Variants in ANKRD18B observed in about 807,000 individuals in gnomAD.
ANKRD18B encodes the protein ankyrin repeat domain 18B, also known as ankyrin repeat domain-containing protein 18B.
Under a neutral mutation model 111.8 loss-of-function variants are expected in ANKRD18B, and 75 were observed. The ratio of observed to expected loss-of-function variants is 0.67; its 90% CI spans 0.56 to 0.81. The LOEUF is 0.81. ANKRD18B is among the 40% of genes least tolerant of loss of function. The probability of loss-of-function intolerance (pLI) is 0.00; values close to 1 mark genes in which losing one functional copy is unlikely to be tolerated. For synonymous variants in ANKRD18B, 356 were observed against 417.3 expected (o/e 0.85, Z 1.79); for missense variants, 1,038 against 1,225.5 (o/e 0.85, Z 2.28).
rs182739381 is a variant in ANKRD18B at position 33,548,101 on chromosome 9, C to T, written c.1313C>T (p.Ala438Val). The change falls in exon 11 of 19, where the codon GCT becomes GTT. Residue 438 changes from alanine to valine, a missense_variant. By Grantham distance (64) the Ala-to-Val change is moderately conservative. This residue lies in a region of ANKRD18B where 205 missense variants were observed against 201.3 expected (regional missense o/e 1.02). Transcript: ENST00000684830. Reference protein sequence around the residue: ...QEIKSITEINANFEKSVRLNE... With the variant: ...QEIKSITEINVNFEKSVRLNE... ...ATTAAAAGTATTACAGAAATAAATGCTAACTTTGAAAAGAGTGTAAGACTC... is the reference window on the plus strand; with the variant it reads ...ATTAAAAGTATTACAGAAATAAATGTTAACTTTGAAAAGAGTGTAAGACTC... The T allele has an allele frequency of 6.4e-5, 98 of 1,531,272 alleles. No individual in the cohort carries two copies. The East Asian group carries it at 2.1e-3, about 33-fold the overall frequency. The allele number at this position is 1,531,272 out of a possible 1,614,324, so 94.9% of individuals were successfully genotyped here.
At chr9:33,537,854 C>A (rs1308934028) in intron 6 of ANKRD18B, among the ~76,000 whole-genome samples, 1 of 151,906 alleles carries the variant, frequency 6.6e-6, no homozygotes, top group African/African-American at 2.4e-5. Flanking sequence ...GAATAAAGTA[C>A]GCTAGAGAAA....
chr9:33,530,656 T>C (rs1299271172), intron 3 of ANKRD18B, among the ~76,000 whole-genome samples: 3 of 152,226 alleles, frequency 2.0e-5, no homozygotes, highest in Non-Finnish European at 2.9e-5. Context: ...AGTTGGCATT[T>C]GATAGGTGCT....
At chr9:33,529,712 C>T (rs1467691276) in intron 3 of ANKRD18B, among the ~76,000 whole-genome samples, 2 of 152,014 alleles carry the variant, frequency 1.3e-5, no homozygotes, top group African/African-American at 4.8e-5. Context: ...GTTGTTTTTC[C>T]AGTTTATGTA....
chr9:33,564,506 T>C lies in ANKRD18B; in HGVS notation c.2461-1713T>C, dbSNP rs575415236. Reference sequence around the variant, plus strand: ...TGTGAATAGTGCTACAGTAAACATGTGAGGAAAAGTATCCTTGTGATCTAT... The same window carrying C: ...TGTGAATAGTGCTACAGTAAACATGCGAGGAAAAGTATCCTTGTGATCTAT... On this transcript the variant is annotated intron_variant, in intron 14 of 18. Coordinates refer to ENST00000684830, the MANE Select transcript of ANKRD18B (RefSeq NM_001393611.1). 7.2e-5 allele frequency among the ~76,000 whole-genome samples: 11 copies of C among 152,356 alleles called. No individual in the cohort carries two copies. In the South Asian group the frequency reaches 2.1e-3, roughly 29 times the overall value.
At chr9:33,527,309 T>TTTTGTTTGTTTGTTTGTTTG (rs68020937) in intron 1 of ANKRD18B, among the ~76,000 whole-genome samples, 6 of 144,456 alleles carry the variant, frequency 4.2e-5, no homozygotes, top group African/African-American at 1.5e-4. Flanking sequence ...ATGTTTCTTT[T>TTTTGTTTGTTTGTTTGTTTG]TTTGTTTGTT....
intron 8 of ANKRD18B, among the ~76,000 whole-genome samples, 163 bp from the exon 9 acceptor site, chr9:33,540,984 T>C (rs1265882036): frequency 3.3e-5 from 5 of 152,140 alleles, no homozygotes; most frequent in African/African-American, 9.7e-5. Flanking sequence ...ATTTAGTATG[T>C]TCATTAGATG....
chr9:33,529,965 A>C (rs1828087153), intron 3 of ANKRD18B, among the ~76,000 whole-genome samples: 1 of 152,204 alleles, frequency 6.6e-6, no homozygotes, highest in Non-Finnish European at 1.5e-5. Context: ...CAAATCTAGA[A>C]TATCTTGATG....
intron 10 of ANKRD18B, among the ~76,000 whole-genome samples, chr9:33,545,801 T>C (rs943079300): frequency 6.6e-5 from 10 of 152,214 alleles, no homozygotes; most frequent in Admixed American, 3.3e-4. Flanking sequence ...AGAGGTTCCC[T>C]TGCTGCTTCT....
At chr9:33,555,458 C>A (rs977580370) in intron 12 of ANKRD18B, among the ~76,000 whole-genome samples, 4 of 152,096 alleles carry the variant, frequency 2.6e-5, no homozygotes, top group Non-Finnish European at 2.9e-5. Flanking sequence ...TGTGTAAAAA[C>A]TCTCATTTTT....
At chr9:33,556,888 TTC>T (rs1312620888) in intron 13 of ANKRD18B, among the ~76,000 whole-genome samples, 1 of 152,156 alleles carries the variant, frequency 6.6e-6, no homozygotes, top group East Asian at 1.9e-4. Flanking sequence ...CTTATTAAAC[TTC>T]TGTTTTACAG....
chr9:33,547,681 AGTGTGTGTGTGTGTGTGT>A (rs55918212), intron 10 of ANKRD18B, among the ~76,000 whole-genome samples: 24 of 146,286 alleles, frequency 1.6e-4, no homozygotes, highest in East Asian at 1.0e-3. Flanking sequence ...AATTCTCTAG[AGTGTGTGTGTGTGTGTGT>A]GTGTGTGTGT....
intron 1 of ANKRD18B, among the ~76,000 whole-genome samples, chr9:33,527,314 T>TTTGTTTGA (rs1461836038): frequency 6.8e-6 from 1 of 147,726 alleles, no homozygotes; most frequent in East Asian, 2.0e-4. Flanking sequence ...TCTTTTTTTG[T>TTTGTTTGA]TTGTTTGTTT....
intron 1 of ANKRD18B, 69 bp downstream of exon 1, chr9:33,524,764 G>T (rs1005890554): frequency 8.0e-6 from 12 of 1,496,832 alleles, no homozygotes; most frequent in Non-Finnish European, 9.8e-6. Flanking sequence ...CCTGAGGCGG[G>T]GTCGTCGGAG....
chr9:33,543,598 G>A (rs1365984035), intron 10 of ANKRD18B, among the ~76,000 whole-genome samples: 2 of 152,060 alleles, frequency 1.3e-5, no homozygotes, highest in Non-Finnish European at 2.9e-5. Flanking sequence ...GAACGGTGAT[G>A]GCCACTGAGT....
Position 33,524,419 on chromosome 9 carries a change from TG to T in ANKRD18B, c.-66del, listed in dbSNP as rs1827993738. ...GGGGGATCTCGAATTTGGAGCTGGGTGGGGGTGGAAAGGCCACGAGGAGCCG... is the reference window on the plus strand; with the variant it reads ...GGGGGATCTCGAATTTGGAGCTGGGTGGGGTGGAAAGGCCACGAGGAGCCG... On this transcript the variant is annotated 5_prime_UTR_variant, in exon 1 of 19. Transcript: ENST00000684830. The T allele has an allele frequency of 3.9e-6, 5 of 1,266,724 alleles. No homozygotes were observed. The African/African-American group carries it at 1.1e-4, about 28-fold the overall frequency. The allele number at this position is 1,266,724 out of a possible 1,614,324, so 78.5% of individuals were successfully genotyped here. A position where few individuals can be genotyped will look rare whatever the true frequency, so the allele number is the denominator to read the frequency against.
At position 33,541,233 on chromosome 9, in the gene ANKRD18B, A is replaced by T; in HGVS notation, c.1078+6A>T. The T allele has an allele frequency of 1.3e-6, 2 of 1,543,340 alleles. No homozygotes were observed. The highest frequency in any genetic ancestry group is 1.4e-5 in the African/African-American group (1 of 72,372). ...AAGAAAAGAAGGTGCAAAAGGTAAGACACTTGAGTATCTCTACTCTTAACC... is the reference window on the plus strand; with the variant it reads ...AAGAAAAGAAGGTGCAAAAGGTAAGTCACTTGAGTATCTCTACTCTTAACC... On this transcript the variant is annotated splice_donor_region_variant and intron_variant, in intron 9 of 18. Transcript: ENST00000684830.
At chr9:33,544,156 C>T (rs1417307751) in intron 10 of ANKRD18B, among the ~76,000 whole-genome samples, 3 of 152,108 alleles carry the variant, frequency 2.0e-5, no homozygotes, top group East Asian at 3.9e-4. Context: ...CTTCTGTGAA[C>T]CTATTTCTGT....
chr9:33,531,847 G>A (rs551095115), intron 3 of ANKRD18B, among the ~76,000 whole-genome samples: 4 of 151,308 alleles, frequency 2.6e-5, no homozygotes, highest in East Asian at 1.9e-4. Context: ...TCATAAGAAT[G>A]CCTAGAAGCC....
In ANKRD18B at chr9:33,572,358, T is replaced by C. The variant is rs767927630; in HGVS notation, c.3266T>C (p.Leu1089Pro). 2.5e-6 allele frequency: 4 copies of C among 1,611,562 alleles called. No individual in the cohort carries two copies. Among genetic ancestry groups the C allele is most frequent in the Non-Finnish European group, 3.4e-6 (4 of 1,178,770 alleles). The change falls in exon 19 of 19, where the codon CTA (leucine) becomes CCA (proline). Residue 1089 changes from leucine (L) to proline (P), a missense_variant. Around this residue, in one of 4 missense-constraint regions of ANKRD18B, gnomAD observed 524 missense variants for 677.9 expected, o/e 0.77. Transcript: ENST00000684830. ...LGPCSYLLSS[L>P]ESTGKPHLMK... The stretch of plus-strand genomic sequence containing the variant: ...CCTTGCTCCTATCTACTTTCTTCTC[T>C]AGAATCCACTGGTAAGCCACATCTA...
Sources: allele counts gnomAD v4.1 joint callset (sites outside exome capture counted in the v4.1 genomes callset), GRCh38; gene constraint gnomAD v4.1.1; regional missense constraint gnomAD v4.1.1; transcripts MANE v1.5; gene names NCBI Gene and HGNC (gene_info 2026-07-23, HGNC 2026-07-21).